The following CRHR2 variants were observed in gnomAD, a reference collection of about 807,000 sequenced individuals.
The protein encoded by CRHR2 is corticotropin releasing hormone receptor 2, also known as corticotropin-releasing hormone receptor 2.
In CRHR2, 53 loss-of-function variants were observed where a neutral mutation model predicts 57.9. That is an observed-to-expected ratio of 0.92 (90% CI 0.73 to 1.15). CRHR2 has a LOEUF of 1.15. Among genes scored for constraint, CRHR2 ranks in the 50% most tolerant of loss-of-function variants. The pLI is 0.00. For synonymous variants in CRHR2, 213 were observed against 220.9 expected (o/e 0.96, Z 0.32); for missense variants, 532 against 542.6 (o/e 0.98, Z 0.19).
At chr7:30,673,091 T>A (rs1488641057) in intron 2 of CRHR2, among the ~76,000 whole-genome samples, 1 of 152,202 alleles carries the variant, frequency 6.6e-6, no homozygotes, top group East Asian at 1.9e-4. Flanking sequence ...GGGCCAGATA[T>A]CCCACCCTCA....
At chr7:30,690,227 G>C (rs1180651179) in intron 1 of CRHR2, among the ~76,000 whole-genome samples, 1 of 152,188 alleles carries the variant, frequency 6.6e-6, no homozygotes, top group Non-Finnish European at 1.5e-5. Context: ...GCTAATGTGG[G>C]TTTTGAAGGG....
intron 1 of CRHR2, 66 bp downstream of exon 1, chr7:30,682,112 C>G: frequency 6.5e-7 from 1 of 1,534,750 alleles, no homozygotes; most frequent in Non-Finnish European, 8.7e-7. Context: ...AGCGCGGGGT[C>G]AGGGGCGCAC....
At chr7:30,664,800 G>A (rs952737372) in intron 5 of CRHR2, among the ~76,000 whole-genome samples, 1 of 152,082 alleles carries the variant, frequency 6.6e-6, no homozygotes, top group Non-Finnish European at 1.5e-5. Flanking sequence ...CAGTCTCTGT[G>A]TGCAAATCTC....
chr7:30,682,202 A>C lies in CRHR2; in HGVS notation c.79T>G (p.Trp27Gly). The change falls in exon 1 of 12, where the codon TGG becomes GGG. Residue 27 changes from tryptophan to glycine, a missense_variant. Coordinates refer to ENST00000471646, the MANE Select transcript of CRHR2 (RefSeq NM_001883.5). ...ALAEELLLDG[W>G]GPPLDPEGPY... Reference sequence around the variant, plus strand: ...CCCTCGGGGTCCAGGGGTGGCCCCCAGCCGTCCAAGAGCAGCTCTTCAGCC... The same window carrying C: ...CCCTCGGGGTCCAGGGGTGGCCCCCCGCCGTCCAAGAGCAGCTCTTCAGCC... The C allele has an allele frequency of 3.1e-6, 5 of 1,587,744 alleles. No individual in the cohort carries two copies. Among genetic ancestry groups the C allele is most frequent in the Non-Finnish European group, 3.4e-6 (4 of 1,174,944 alleles).
At chr7:30,662,290 C>T (rs1344838420) in intron 6 of CRHR2, 74 bp from the exon 7 acceptor site, 1 of 1,528,754 alleles carries the variant, frequency 6.5e-7, no homozygotes, top group Non-Finnish European at 9.1e-7. Flanking sequence ...CCGTGGGGTA[C>T]CACAACAGGG....
At chr7:30,654,905 C>A in intron 11 of CRHR2, 134 bp downstream of exon 11, 1 of 1,551,886 alleles carries the variant, frequency 6.4e-7, no homozygotes, top group South Asian at 1.2e-5. Context: ...TCCTGTTCCC[C>A]TAAGGCCGGG....
intron 2 of CRHR2, among the ~76,000 whole-genome samples, chr7:30,669,751 A>G (rs927527041): frequency 1.1e-4 from 17 of 152,304 alleles, no homozygotes; most frequent in African/African-American, 4.1e-4. Flanking sequence ...GTGCTCAAGA[A>G]TAAAGTCCAA....
chr7:30,669,286 G>A (rs1258325544), intron 2 of CRHR2, among the ~76,000 whole-genome samples: 1 of 152,090 alleles, frequency 6.6e-6, no homozygotes, highest in Non-Finnish European at 1.5e-5. Flanking sequence ...TCTCTCCTGA[G>A]CACCTCCAGT....
In CRHR2 at chr7:30,655,616, C is replaced by T. The variant is rs770915143; in HGVS notation, c.1017G>A (p.Met339Ile). The change falls in exon 10 of 12, where the codon ATG (methionine) becomes ATA (isoleucine). Residue 339 changes from methionine (M) to isoleucine (I), a missense_variant. Met to Ile is a conservative substitution (Grantham distance 10). Transcript: ENST00000471646. ...GCAGGAAGGAGTTGAAATAGATGAA[C>T]ATGATCTGTGACAGGTCGTCCTCCC... ...NPGEDDLSQIMFIYFNSFLQS... is the reference protein window; with the variant it reads ...NPGEDDLSQIIFIYFNSFLQS... 5.0e-6 allele frequency: 8 copies of T among 1,613,970 alleles called. No homozygotes were observed. The highest frequency in any genetic ancestry group is 6.8e-6 in the Non-Finnish European group (8 of 1,179,968).
chr7:30,654,848 C>A, intron 11 of CRHR2, 191 bp downstream of exon 11: 1 of 1,545,726 alleles, frequency 6.5e-7, no homozygotes, highest in Non-Finnish European at 8.7e-7. Flanking sequence ...TATTTCGGGG[C>A]TGCATAGTTG....
intron 2 of CRHR2, among the ~76,000 whole-genome samples, chr7:30,668,554 C>A (rs922199241): frequency 1.3e-5 from 2 of 152,008 alleles, no homozygotes; most frequent in Non-Finnish European, 2.9e-5. Flanking sequence ...GGAGGGGGAA[C>A]CTTAGGTTGT....
chr7:30,692,369 C>G (rs1313099275), intron 1 of CRHR2, among the ~76,000 whole-genome samples: 1 of 152,200 alleles, frequency 6.6e-6, no homozygotes, highest in Non-Finnish European at 1.5e-5. Context: ...CCCTCAGCAG[C>G]TTTCCCTCGG....
Position 30,656,545 on chromosome 7 carries a change from A to C in CRHR2, c.832-533T>G, listed in dbSNP as rs1042848166. ...TGAGTGATTAATCTGCCAGCATCCC[A>C]CCCCTGTGCCCAGGAACTCCAGAGC... On this transcript the variant is annotated intron_variant, in intron 8 of 11. Transcript: ENST00000471646. This position sits in a 1 kb window ranked among gnomAD's most constrained non-coding sequence, Gnocchi z 4.4. 2.7e-4 allele frequency among the ~76,000 whole-genome samples: 41 copies of C among 152,234 alleles called. No individual in the cohort carries two copies. Among genetic ancestry groups the C allele is most frequent in the African/African-American group, 9.9e-4 (41 of 41,528 alleles).
chr7:30,653,332 C>A lies in CRHR2; in HGVS notation c.*128G>T. The A allele has an allele frequency of 7.2e-7, 1 of 1,384,776 alleles. No individual in the cohort carries two copies. The highest frequency in any genetic ancestry group is 9.8e-7 in the Non-Finnish European group (1 of 1,025,618). The allele number at this position is 1,384,776 out of a possible 1,614,324, so 85.8% of individuals were successfully genotyped here. ...CCCTTGGCTGCCGCACCCCCTCTTT[C>A]CTGCCAGGCTGGAGAGCTGGTCTCT... On this transcript the variant is annotated 3_prime_UTR_variant, in exon 12 of 12. Coordinates refer to ENST00000471646, the MANE Select transcript of CRHR2 (RefSeq NM_001883.5). This position sits in a 1 kb window ranked among gnomAD's most constrained non-coding sequence, Gnocchi z 5.0.
At position 30,656,342 on chromosome 7, in the gene CRHR2, T is replaced by C. The variant is rs1411600543; in HGVS notation, c.832-330A>G. ...AACCCTCTCCCCAGTATAGGGACCC[T>C]ATGGGAGCCCCCTTCCCCTCACTGC... On this transcript the variant is annotated intron_variant, in intron 8 of 11. Coordinates refer to ENST00000471646, the MANE Select transcript of CRHR2 (RefSeq NM_001883.5). This position sits in a 1 kb window ranked among gnomAD's most constrained non-coding sequence, Gnocchi z 4.4. 2.6e-5 allele frequency among the ~76,000 whole-genome samples: 4 copies of C among 151,876 alleles called. No individual in the cohort carries two copies. The highest frequency in any genetic ancestry group is 5.9e-5 in the Non-Finnish European group (4 of 67,928).
chr7:30,689,183 G>T (rs1306441190), intron 2 of CRHR2: 2 of 1,547,926 alleles, frequency 1.3e-6, no homozygotes, highest in East Asian at 4.9e-5. Context: ...GTGGCAGAGG[G>T]TACCTACCTG....
At chr7:30,659,488 C>T (rs967054171) in intron 8 of CRHR2, among the ~76,000 whole-genome samples, 1 of 152,184 alleles carries the variant, frequency 6.6e-6, no homozygotes, top group African/African-American at 2.4e-5. Flanking sequence ...GGTTTCCATA[C>T]ACACTGAGGG....
At chr7:30,654,072 C>T (rs1279200077) in intron 11 of CRHR2, among the ~76,000 whole-genome samples, 1 of 152,162 alleles carries the variant, frequency 6.6e-6, no homozygotes, top group East Asian at 1.9e-4. Context: ...CTACCTCCTG[C>T]TAGACTCCCC....
At chr7:30,655,162 ATGG>A (rs1783732621) in intron 10 of CRHR2, 82 bp from the exon 11 acceptor site, 22 of 1,210,428 alleles carry the variant, frequency 1.8e-5, no homozygotes, top group Non-Finnish European at 2.6e-5. Context: ...TGGGGACAAG[ATGG>A]TGGGGGGGGG....
Sources: allele counts gnomAD v4.1 joint callset (sites outside exome capture counted in the v4.1 genomes callset), GRCh38; gene constraint gnomAD v4.1.1; non-coding constraint Gnocchi (gnomAD v3.1); transcripts MANE v1.5; gene names NCBI Gene and HGNC (gene_info 2026-07-23, HGNC 2026-07-21).